Variants in FMN1 observed in about 807,000 individuals in gnomAD.
The protein encoded by FMN1 is formin 1.
FMN1 carries 110 observed loss-of-function variants against 132.4 expected under a neutral mutation model. The observed-to-expected ratio is 0.83, with a 90% CI of 0.71 to 0.97. The LOEUF (loss-of-function observed/expected upper bound fraction) is 0.97, where lower values mean the gene tolerates loss of function less well. Ranked by LOEUF, FMN1 falls within the 50% of genes least tolerant of loss-of-function variation. FMN1 has a pLI of 0.00. For synonymous variants in FMN1, 722 were observed against 651.7 expected, an observed-to-expected ratio of 1.11 and a Z score of -1.64; for missense variants, 1,792 against 1,705.3, an observed-to-expected ratio of 1.05 and a Z score of -0.90.
At chr15:32,832,386 T>A (rs1596035788) in intron 17 of FMN1, among the ~76,000 whole-genome samples, 1 of 152,190 alleles carries the variant, frequency 6.6e-6, no homozygotes, top group East Asian at 1.9e-4. Flanking sequence ...GAGCTATTGT[T>A]CCTCTATGGC....
intron 2 of FMN1, among the ~76,000 whole-genome samples, 185 bp downstream of exon 2, chr15:33,193,724 A>C (rs996860586): frequency 6.6e-6 from 1 of 152,150 alleles, no homozygotes; most frequent in Admixed American, 6.5e-5. Flanking sequence ...GGATGATTAA[A>C]ATAAAGGGTT....
At chr15:32,907,708 T>A (rs116258490) in intron 12 of FMN1, among the ~76,000 whole-genome samples, 1,651 of 150,394 alleles carry the variant, frequency 0.011, 29 homozygotes, top group African/African-American at 0.038. Context: ...AGGGTTGGCC[T>A]GAACTGGACA....
At chr15:33,097,303 TAAA>T (rs35888764) in intron 4 of FMN1, among the ~76,000 whole-genome samples, 3 of 127,222 alleles carry the variant, frequency 2.4e-5, no homozygotes, top group African/African-American at 3.0e-5. Flanking sequence ...GACCCTGTCT[TAAA>T]AAAAAAAAAA....
intron 17 of FMN1, among the ~76,000 whole-genome samples, chr15:32,842,843 G>A (rs1398184889): frequency 6.6e-6 from 1 of 150,954 alleles, no homozygotes; most frequent in Non-Finnish European, 1.5e-5. Flanking sequence ...GTAGGGGAGA[G>A]GGCCAGGCAT....
intron 19 of FMN1, among the ~76,000 whole-genome samples, chr15:32,783,521 T>A (rs1359833392): frequency 1.3e-5 from 2 of 151,692 alleles, no homozygotes; most frequent in East Asian, 1.9e-4. Context: ...CCGAGGTGAG[T>A]GGATCATGAA....
chr15:32,872,263 G>A (rs1361019675), intron 16 of FMN1, among the ~76,000 whole-genome samples: 1 of 152,120 alleles, frequency 6.6e-6, no homozygotes, highest in Non-Finnish European at 1.5e-5. Flanking sequence ...TTGGACATAC[G>A]ATTGCAATTC....
intron 12 of FMN1, among the ~76,000 whole-genome samples, chr15:32,902,497 A>T (rs1206054767): frequency 1.3e-5 from 2 of 150,706 alleles, no homozygotes; most frequent in African/African-American, 2.5e-5. Context: ...TTAAAAAAAA[A>T]TCTCTTACTA....
intron 8 of FMN1, 21 bp from the exon 9 acceptor site, chr15:32,964,278 G>A: frequency 1.3e-6 from 2 of 1,536,710 alleles, no homozygotes; most frequent in African/African-American, 1.4e-5. Flanking sequence ...AAAATGACAA[G>A]TTAACCATAA....
intron 9 of FMN1, among the ~76,000 whole-genome samples, chr15:32,942,273 T>G (rs1224424953): frequency 1.3e-5 from 2 of 152,214 alleles, no homozygotes; most frequent in Non-Finnish European, 2.9e-5. Flanking sequence ...AGCCTGCCTC[T>G]GTGAATAAGA....
At chr15:32,912,677 G>A (rs916074688) in intron 10 of FMN1, among the ~76,000 whole-genome samples, 5 of 151,888 alleles carry the variant, frequency 3.3e-5, no homozygotes, top group African/African-American at 9.7e-5. Flanking sequence ...GGAGAATAAC[G>A]TCCCAGGGAG....
At chr15:32,782,370 TG>T (rs1218869179) in intron 19 of FMN1, among the ~76,000 whole-genome samples, 8 of 152,254 alleles carry the variant, frequency 5.3e-5, no homozygotes, top group Non-Finnish European at 1.5e-5. Flanking sequence ...GATTGCTTTT[TG>T]CATTTATCCT....
intron 17 of FMN1, among the ~76,000 whole-genome samples, chr15:32,805,290 G>C: frequency 6.6e-6 from 1 of 152,162 alleles, no homozygotes; most frequent in Non-Finnish European, 1.5e-5. Context: ...GTGTCTATTG[G>C]CTGCATAAAT....
chr15:32,956,067 A>C (rs1344823422), intron 9 of FMN1, among the ~76,000 whole-genome samples: 2 of 152,236 alleles, frequency 1.3e-5, no homozygotes, highest in African/African-American at 4.8e-5. Flanking sequence ...CACAATAGAG[A>C]TATGAGAAGA....
rs1464691526 is a variant in FMN1 at position 33,130,375 on chromosome 15, T to TTA, written c.1867+22671_1867+22672dup. ...TAGACAATTTTTCAAATGCTTAAGG[T>TTA]TAAGAATCAGTTTTATGAAACAATG... On this transcript the variant is annotated intron_variant, in intron 4 of 20. Coordinates refer to ENST00000616417, the MANE Select transcript of FMN1 (RefSeq NM_001277313.2). Among the ~76,000 whole-genome samples, 3 of 152,142 alleles carry TTA rather than the reference T, an allele frequency of 2.0e-5. No homozygotes were observed. The South Asian group carries it at 6.2e-4, about 32-fold the overall frequency.
rs2061613787 is a variant in FMN1, at chr15:32,950,056, T to TATATATATACACACACAC, written c.3138+14050_3138+14051insGTGTGTGTGTATATATAT. On this transcript the variant is annotated intron_variant, in intron 9 of 20. Coordinates refer to ENST00000616417, the MANE Select transcript of FMN1 (RefSeq NM_001277313.2). ...ATACACATATATATATATATACACATATATATATATATATATATATATATT... is the reference window on the plus strand; with the variant it reads ...ATACACATATATATATATATACACATATATATATACACACACACATATATATATATATATATATATATT... Among the ~76,000 whole-genome samples, 2 of 71,680 alleles carry TATATATATACACACACAC rather than the reference T, an allele frequency of 2.8e-5. 1 individual carries two copies. The highest frequency in any genetic ancestry group is 1.4e-4 in the African/African-American group (2 of 14,516). 47.0% of individuals were successfully genotyped at this position (71,680 alleles called of 152,430 possible).
At chr15:33,095,636 G>A (rs1226102999) in intron 4 of FMN1, among the ~76,000 whole-genome samples, 1 of 152,062 alleles carries the variant, frequency 6.6e-6, no homozygotes, top group East Asian at 1.9e-4. Flanking sequence ...GCCTCTCAAA[G>A]TGTTGCGATT....
chr15:33,069,996 T>C (rs1228113805), intron 5 of FMN1, among the ~76,000 whole-genome samples: 3 of 82,828 alleles, frequency 3.6e-5, no homozygotes, highest in African/African-American at 6.2e-5. Flanking sequence ...TCTTTCTCTT[T>C]TTTTTTTTTT....
At chr15:33,067,977 C>T (rs978359286) in intron 5 of FMN1, 17 of 1,488,142 alleles carry the variant, frequency 1.1e-5, no homozygotes, top group Non-Finnish European at 1.5e-5. Flanking sequence ...ATTTACAGGA[C>T]AGAGAGCAAC....
At chr15:32,977,640 T>A (rs1596383145) in intron 7 of FMN1, among the ~76,000 whole-genome samples, 1 of 152,148 alleles carries the variant, frequency 6.6e-6, no homozygotes, top group South Asian at 2.1e-4. Context: ...TCTAAAACAT[T>A]AGTAATTTCC....
Sources: allele counts gnomAD v4.1 joint callset (sites outside exome capture counted in the v4.1 genomes callset), GRCh38; gene constraint gnomAD v4.1.1; transcripts MANE v1.5; gene names NCBI Gene and HGNC (gene_info 2026-07-23, HGNC 2026-07-21).